The following FANCC variants were observed in gnomAD, a reference collection of about 807,000 sequenced individuals.
The protein encoded by FANCC is FA complementation group C.
Under a neutral mutation model 71.3 loss-of-function variants are expected in FANCC, and 55 were observed. The ratio of observed to expected loss-of-function variants is 0.77; its 90% confidence interval spans 0.62 to 0.97. The LOEUF is 0.97. Ranked by LOEUF, FANCC falls within the 50% of genes least tolerant of loss-of-function variation. The probability of loss-of-function intolerance (pLI) is 0.00; values close to 1 mark genes in which losing one functional copy is unlikely to be tolerated. For synonymous variants in FANCC, 275 were observed against 244.9 expected (o/e 1.12, Z -1.15); for missense variants, 678 against 670.9 (o/e 1.01, Z -0.12).
At chr9:95,203,674 TGA>T (rs1827941957) in intron 4 of FANCC, among the ~76,000 whole-genome samples, 1 of 152,186 alleles carries the variant, frequency 6.6e-6, no homozygotes, top group African/African-American at 2.4e-5. Context: ...GTAATTAATA[TGA>T]GATAATAACC....
In FANCC at chr9:95,171,087, A is replaced by G; in HGVS notation, c.513T>C (p.Thr171=). The change falls in exon 6 of 15, where the codon ACT becomes ACC. Residue 171 remains threonine, a synonymous_variant. Transcript: ENST00000289081. ...TTTAGTTTAACACCTACCGCCTTTG[A>G]GTGTTAAATCCATTAAGATGATTCT... The part of the protein sequence containing the change: ...LRENHLNGFN[T]QRRMAPERVA... 1 of 1,611,786 alleles carries G rather than the reference A, an allele frequency of 6.2e-7. No individual in the cohort carries two copies. Among genetic ancestry groups the G allele is most frequent in the Non-Finnish European group, 8.5e-7 (1 of 1,177,996 alleles).
chr9:95,112,245 C>G (rs901241480), intron 12 of FANCC, among the ~76,000 whole-genome samples: 2 of 152,192 alleles, frequency 1.3e-5, no homozygotes, highest in African/African-American at 2.4e-5. Context: ...TGTGCAGTGC[C>G]GGTCTCAGCA....
chr9:95,215,882 G>A (rs924745834), intron 4 of FANCC, among the ~76,000 whole-genome samples: 3 of 152,186 alleles, frequency 2.0e-5, no homozygotes, highest in African/African-American at 7.2e-5. Context: ...CAATTACATT[G>A]TGTAGTGGAG....
At chr9:95,226,810 G>A (rs781117111) in intron 4 of FANCC, among the ~76,000 whole-genome samples, 3 of 152,136 alleles carry the variant, frequency 2.0e-5, no homozygotes, top group Non-Finnish European at 4.4e-5. Context: ...GTTGTGATTT[G>A]ACAACCATAT....
intron 1 of FANCC, among the ~76,000 whole-genome samples, chr9:95,284,562 T>C (rs540463300): frequency 2.1e-4 from 32 of 152,310 alleles, no homozygotes; most frequent in African/African-American, 6.5e-4. Flanking sequence ...CTCAACATCT[T>C]GGAAACTTCA....
At chr9:95,302,186 A>G (rs1328348012) in intron 1 of FANCC, among the ~76,000 whole-genome samples, 1 of 152,166 alleles carries the variant, frequency 6.6e-6, no homozygotes, top group Non-Finnish European at 1.5e-5. Flanking sequence ...ATTTGTAAAC[A>G]ATCCCTTTAA....
At chr9:95,157,182 A>G (rs756892384) in intron 6 of FANCC, among the ~76,000 whole-genome samples, 1 of 152,046 alleles carries the variant, frequency 6.6e-6, no homozygotes, top group Non-Finnish European at 1.5e-5. Context: ...ATTTTTTAGC[A>G]CTTCAGTGTC....
chr9:95,307,152 T>A (rs1398189006), intron 1 of FANCC, among the ~76,000 whole-genome samples: 1 of 152,226 alleles, frequency 6.6e-6, no homozygotes, highest in East Asian at 1.9e-4. Flanking sequence ...CCCAAAGTGC[T>A]GGGATTACAG....
intron 1 of FANCC, 37 bp from the exon 2 acceptor site, chr9:95,249,406 G>T (rs1831192803): frequency 9.0e-7 from 1 of 1,113,556 alleles, no homozygotes; most frequent in Non-Finnish European, 1.3e-6. Context: ...ATTTCTAAAA[G>T]GCTCTTTTAT....
intron 6 of FANCC, among the ~76,000 whole-genome samples, chr9:95,160,592 G>A (rs1464472580): frequency 6.6e-6 from 1 of 152,122 alleles, no homozygotes; most frequent in Non-Finnish European, 1.5e-5. Context: ...GATGGGGATG[G>A]CATTGAATCT....
intron 4 of FANCC, among the ~76,000 whole-genome samples, chr9:95,175,037 T>C (rs898144477): frequency 1.3e-5 from 2 of 152,082 alleles, no homozygotes; most frequent in African/African-American, 4.8e-5. Context: ...CCCTTCCCCA[T>C]CATGATTCAA....
In FANCC at chr9:95,101,681, G is replaced by A. The variant is rs770935196; in HGVS notation, c.*26C>T. ...CCTGGCGAGCCTGATCCCTCACGCC[G>A]GGCACCCACACGGCCTGCGTGCCTT... On this transcript the variant is annotated 3_prime_UTR_variant, in exon 15 of 15. Transcript: ENST00000289081. 32 of 1,612,666 alleles carry A rather than the reference G, an allele frequency of 2.0e-5. No homozygotes were observed. The highest frequency in any genetic ancestry group is 3.3e-5 in the Admixed American group (2 of 60,006).
At chr9:95,199,061 G>GA (rs1369643574) in intron 4 of FANCC, among the ~76,000 whole-genome samples, 1 of 152,140 alleles carries the variant, frequency 6.6e-6, no homozygotes, top group Non-Finnish European at 1.5e-5. Flanking sequence ...GGCAATATAT[G>GA]AATTTTTTTT....
At chr9:95,145,977 T>A (rs1829489586) in intron 7 of FANCC, among the ~76,000 whole-genome samples, 1 of 95,780 alleles carries the variant, frequency 1.0e-5, no homozygotes, top group Admixed American at 1.0e-4. Context: ...TATTTTTTTT[T>A]ATTTGAACTC....
chr9:95,178,340 AGAACTGTCT>A (rs553033924), intron 4 of FANCC, among the ~76,000 whole-genome samples: 30 of 152,330 alleles, frequency 2.0e-4, no homozygotes, highest in African/African-American at 7.0e-4. Flanking sequence ...ATAGCCCCTC[AGAACTGTCT>A]TGATGAGATG....
At chr9:95,107,621 G>A (rs2071555105) in intron 13 of FANCC, 1 of 408,356 alleles carries the variant, frequency 2.4e-6, no homozygotes, top group Non-Finnish European at 4.6e-6. Context: ...GCCTATCACA[G>A]CCACAAATCA....
At chr9:95,181,455 A>C in intron 4 of FANCC, among the ~76,000 whole-genome samples, 1 of 152,172 alleles carries the variant, frequency 6.6e-6, no homozygotes, top group Admixed American at 6.5e-5. Context: ...CCTAGTGGTA[A>C]ATAGTCTAAA....
rs575444695 is a variant in FANCC at position 95,102,951 on chromosome 9, G to A, written c.1534-1101C>T. On this transcript the variant is annotated intron_variant, in intron 14 of 14. Coordinates refer to ENST00000289081, the MANE Select transcript of FANCC (RefSeq NM_000136.3). ...TCAGTGCAGCCAGCACGGGGGCTCC[G>A]GCTGTAGCCCAGGCACGTGCCAGTG... Among the ~76,000 whole-genome samples, 8 of 152,340 alleles carry A rather than the reference G, an allele frequency of 5.3e-5. No individual in the cohort carries two copies. In the East Asian group the frequency reaches 1.2e-3, roughly 22 times the overall value.
chr9:95,164,468 G>A (rs1212853646), intron 6 of FANCC, among the ~76,000 whole-genome samples: 1 of 151,946 alleles, frequency 6.6e-6, no homozygotes, highest in Non-Finnish European at 1.5e-5. Context: ...ACTACATTGA[G>A]GTCATTTCCT....
Sources: gnomAD v4.1 joint callset for allele counts (sites outside exome capture counted in the v4.1 genomes callset) on GRCh38, gnomAD v4.1.1 for gene constraint, MANE v1.5 for transcripts, NCBI Gene and HGNC (gene_info 2026-07-23, HGNC 2026-07-21) for gene names.